TBC1D32: variants seen among roughly 807,000 people sequenced by gnomAD.
The protein encoded by TBC1D32 is protein broad-minded.
A neutral mutation model predicts 170.3 loss-of-function variants in TBC1D32; 151 were observed. That is an observed-to-expected ratio of 0.89 (90% CI 0.78 to 1.01). The LOEUF is 1.01. Among genes scored for constraint, TBC1D32 ranks in the 50% least tolerant of loss-of-function variants. TBC1D32 has a pLI of 0.00. For missense variants in TBC1D32, 1,464 were observed against 1,457.1 expected, an observed-to-expected ratio of 1.00 and a Z score of -0.08; for synonymous variants, 498 against 488.0, an observed-to-expected ratio of 1.02 and a Z score of -0.27.
intron 22 of TBC1D32, among the ~76,000 whole-genome samples, chr6:121,181,487 A>G (rs1050862156): frequency 6.6e-6 from 1 of 152,034 alleles, no homozygotes; most frequent in South Asian, 2.1e-4. Flanking sequence ...GGCCTCTTCA[A>G]CCATCCTTCT....
At chr6:121,194,745 T>C (rs1191357729) in intron 22 of TBC1D32, among the ~76,000 whole-genome samples, 3 of 152,238 alleles carry the variant, frequency 2.0e-5, no homozygotes, top group Admixed American at 6.5e-5. Context: ...CTCAGAGGTA[T>C]ATCTCTCCAG....
chr6:121,263,995 C>A (rs943044896), intron 15 of TBC1D32, among the ~76,000 whole-genome samples: 2 of 151,954 alleles, frequency 1.3e-5, no homozygotes, highest in African/African-American at 4.8e-5. Context: ...AGAAAGATCT[C>A]AAATCGACAC....
At chr6:121,201,273 C>T (rs1791523408) in intron 22 of TBC1D32, among the ~76,000 whole-genome samples, 2 of 151,444 alleles carry the variant, frequency 1.3e-5, no homozygotes, top group South Asian at 4.1e-4. Context: ...ACATAAAAGG[C>T]ACTTCACATA....
In TBC1D32 at chr6:121,113,087, C is replaced by T; in HGVS notation, c.3144G>A (p.Gln1048=). 6.2e-7 allele frequency: 1 copy of T among 1,610,010 alleles called. No homozygotes were observed. Among genetic ancestry groups the T allele is most frequent in the Non-Finnish European group, 8.5e-7 (1 of 1,178,458 alleles). Residue 1048 remains glutamine (Q), a synonymous_variant, in exon 28 of 32, where the codon CAG becomes CAA. Transcript: ENST00000398212. The stretch of plus-strand genomic sequence containing the variant: ...GAAGAGAAGATTTTATGGAAGTTTG[C>T]TGCTGTTTCAGGAATCTCTCACAAT... ...LKHCERFLKQ[Q]QTSIKSSLLC... is the part of the protein sequence containing the mutation.
chr6:121,309,300 G>A (rs1029956539), intron 4 of TBC1D32, among the ~76,000 whole-genome samples: 4 of 152,030 alleles, frequency 2.6e-5, no homozygotes, highest in African/African-American at 9.7e-5. Context: ...TTCTAAACAA[G>A]TATAGTTTCC....
rs867851423 is a variant in TBC1D32 at position 121,303,742 on chromosome 6, C to T, written c.955G>A (p.Glu319Lys). ...ACTGTTAACAAGGACAAAGTACTCT[C>T]CACAATTTCTTCCATATACCTTAAA... ...HPEKYMEEIV[E>K]STLSLLTVKH... Residue 319 changes from glutamate to lysine, a missense_variant, in exon 9 of 32, where the codon GAG becomes AAG. By Grantham distance (56) the Glu-to-Lys change is moderately conservative. Transcript: ENST00000398212. 3.9e-6 allele frequency: 6 copies of T among 1,546,554 alleles called. No homozygotes were observed. The highest frequency in any genetic ancestry group is 5.3e-6 in the Non-Finnish European group (6 of 1,137,202).
intron 26 of TBC1D32, among the ~76,000 whole-genome samples, chr6:121,121,414 G>C (rs115072336): frequency 1.3e-5 from 2 of 151,970 alleles, no homozygotes; most frequent in African/African-American, 4.8e-5. Context: ...GGTTTCTTCA[G>C]CAAAAGAAGA....
chr6:121,126,343 A>G (rs763194342), intron 26 of TBC1D32, 35 bp downstream of exon 26: 1 of 1,463,728 alleles, frequency 6.8e-7, no homozygotes, highest in East Asian at 2.3e-5. Flanking sequence ...TTACATACTG[A>G]GTCTTTTTCA....
At chr6:121,272,557 A>G (rs1175402577) in intron 15 of TBC1D32, among the ~76,000 whole-genome samples, 1 of 152,168 alleles carries the variant, frequency 6.6e-6, no homozygotes, top group African/African-American at 2.4e-5. Flanking sequence ...AACCACAATG[A>G]GATACCATCT....
In TBC1D32 at chr6:121,303,658, C is replaced by CA; in HGVS notation, c.1038dup (p.Ala347CysfsTer4). The CA allele has an allele frequency of 6.3e-7, 1 of 1,594,260 alleles. No homozygotes were observed. The highest frequency in any genetic ancestry group is 8.6e-7 in the Non-Finnish European group (1 of 1,167,088). ...CACACAGCCTTGGTATCAACTAATG[C>CA]AAAAAAGTAGATCGGATCCAAAATC... On this transcript the variant is annotated frameshift_variant, in exon 9 of 32. Transcript: ENST00000398212. LOFTEE classifies it high-confidence loss of function.
At chr6:121,187,754 C>CA (rs67915120) in intron 22 of TBC1D32, among the ~76,000 whole-genome samples, 11,560 of 128,268 alleles carry the variant, frequency 0.09, 962 homozygotes, top group African/African-American at 0.23. Context: ...TGCTCAGGGC[C>CA]AAAAAAAAAA....
chr6:121,122,026 A>G (rs1167515484), intron 26 of TBC1D32, among the ~76,000 whole-genome samples: 1 of 152,044 alleles, frequency 6.6e-6, no homozygotes, highest in Non-Finnish European at 1.5e-5. Flanking sequence ...CAAAAAAGCC[A>G]GCACCTAATC....
rs1311122874 is a variant in TBC1D32 at position 121,303,658 on chromosome 6, C to A, written c.1039G>T (p.Ala347Ser). ...CACACAGCCTTGGTATCAACTAATG[C>A]AAAAAAGTAGATCGGATCCAAAATC... ...QKILDPIYFF[A>S]LVDTKAVWFK... The change falls in exon 9 of 32, where the codon GCA becomes TCA. Residue 347 changes from alanine to serine, a missense_variant. Coordinates refer to ENST00000398212, the MANE Select transcript of TBC1D32 (RefSeq NM_152730.6). 6.3e-7 allele frequency: 1 copy of A among 1,594,272 alleles called. No homozygotes were observed. Among genetic ancestry groups the A allele is most frequent in the Admixed American group, 1.7e-5 (1 of 59,608 alleles).
At chr6:121,095,078 T>A (rs895687929) in intron 30 of TBC1D32, among the ~76,000 whole-genome samples, 1 of 152,172 alleles carries the variant, frequency 6.6e-6, no homozygotes, top group Non-Finnish European at 1.5e-5. Flanking sequence ...TGAAATGGGC[T>A]TATAAAGAAA....
intron 24 of TBC1D32, 59 bp from the exon 25 acceptor site, chr6:121,131,811 T>G: frequency 7.2e-7 from 1 of 1,380,020 alleles, no homozygotes; most frequent in Non-Finnish European, 9.9e-7. Context: ...TGAAAAATTA[T>G]TAATGTTAAC....
At chr6:121,118,087 A>T (rs748095680) in intron 26 of TBC1D32, among the ~76,000 whole-genome samples, 33 of 152,176 alleles carry the variant, frequency 2.2e-4, no homozygotes, top group Non-Finnish European at 4.3e-4. Flanking sequence ...CTTAATAAAC[A>T]ATGAATGAAT....
chr6:121,119,804 G>T (rs1359711799), intron 26 of TBC1D32, among the ~76,000 whole-genome samples: 1 of 151,986 alleles, frequency 6.6e-6, no homozygotes, highest in East Asian at 1.9e-4. Context: ...ATAATGGATT[G>T]AAATCCTGAG....
intron 27 of TBC1D32, among the ~76,000 whole-genome samples, 163 bp from the exon 28 acceptor site, chr6:121,113,340 C>T (rs1319037972): frequency 6.6e-6 from 1 of 152,304 alleles, no homozygotes; most frequent in South Asian, 2.1e-4. Context: ...CAGTATTCAT[C>T]TGGCAAATAC....
intron 1 of TBC1D32, among the ~76,000 whole-genome samples, chr6:121,332,158 GA>G (rs1217693005): frequency 6.6e-6 from 1 of 151,922 alleles, no homozygotes; most frequent in Non-Finnish European, 1.5e-5. Context: ...ATTTTAACTT[GA>G]AAAAAAGTTT....
Sources: gnomAD v4.1 joint callset for allele counts (sites outside exome capture counted in the v4.1 genomes callset) on GRCh38, gnomAD v4.1.1 for gene constraint, MANE v1.5 for transcripts, NCBI Gene and HGNC (gene_info 2026-07-23, HGNC 2026-07-21) for gene names.